NBAS: variants seen among roughly 807,000 people sequenced by gnomAD.
NBAS encodes the protein NAG/BC035112 fusion.
NBAS carries 219 observed loss-of-function variants against 302.5 expected under a neutral mutation model. The observed-to-expected ratio is 0.72, with a 90% confidence interval of 0.65 to 0.81. The LOEUF is 0.81. Among genes scored for constraint, NBAS ranks in the 30% least tolerant of loss-of-function variants. The pLI is 0.00. For synonymous variants in NBAS, 1,118 were observed against 1,021.6 expected, an observed-to-expected ratio of 1.09 and a Z score of -1.80; for missense variants, 2,932 against 2,841.6, an observed-to-expected ratio of 1.03 and a Z score of -0.72.
In NBAS at chr2:15,223,072, C is replaced by T. The variant is rs1667018002; in HGVS notation, c.6237-4104G>A. Among the ~76,000 whole-genome samples, 4 of 152,090 alleles carry T rather than the reference C, an allele frequency of 2.6e-5. No homozygotes were observed. The South Asian group carries it at 8.3e-4, about 32-fold the overall frequency. ...GATGTGCTTCACTATTACTGGTGCTCAAGAAAACGACACAGAAATGAAAGG... is the reference window on the plus strand; with the variant it reads ...GATGTGCTTCACTATTACTGGTGCTTAAGAAAACGACACAGAAATGAAAGG... On this transcript the variant is annotated intron_variant, in intron 47 of 51. Coordinates refer to ENST00000281513, the MANE Select transcript of NBAS (RefSeq NM_015909.4).
the NBAS span, among the ~76,000 whole-genome samples, chr2:15,021,550 G>A: frequency 2.0e-5 from 3 of 152,182 alleles, no homozygotes; most frequent in Non-Finnish European, 4.4e-5. Context: ...ACAGGTGGAG[G>A]TGTGGGCACC....
At chr2:15,286,149 T>G (rs1173349551) in intron 42 of NBAS, among the ~76,000 whole-genome samples, 2 of 152,214 alleles carry the variant, frequency 1.3e-5, no homozygotes, top group Non-Finnish European at 2.9e-5. Context: ...ACTATCTATT[T>G]CACCTTTTAA....
chr2:15,328,314 TAAA>T lies in NBAS; in HGVS notation c.4348-5_4348-3del. On this transcript the variant is annotated splice_polypyrimidine_tract_variant and splice_region_variant and intron_variant, in intron 36 of 51. Transcript: ENST00000281513. ...ATATGCACCACCACATTTTTGCCCCTAAAAAGAAAAAAAGTACAGAACAATGGA... is the reference window on the plus strand; with the variant it reads ...ATATGCACCACCACATTTTTGCCCCTAAGAAAAAAAGTACAGAACAATGGA... 1 of 1,610,698 alleles carries T rather than the reference TAAA, an allele frequency of 6.2e-7. No individual in the cohort carries two copies. The highest frequency in any genetic ancestry group is 8.5e-7 in the Non-Finnish European group (1 of 1,178,150).
intron 21 of NBAS, among the ~76,000 whole-genome samples, chr2:15,438,096 C>T (rs77207869): frequency 0.013 from 1,941 of 152,264 alleles, 33 homozygotes; most frequent in East Asian, 0.06. Flanking sequence ...ATTTGTTGTT[C>T]GCAGTAATGA....
chr2:14,877,669 C>T, the NBAS span, among the ~76,000 whole-genome samples: 1 of 151,444 alleles, frequency 6.6e-6, no homozygotes, highest in African/African-American at 2.4e-5. Context: ...CAAATATCAT[C>T]ATCCCAAGTT....
At chr2:14,793,791 C>T in the NBAS span, among the ~76,000 whole-genome samples, 13 of 151,956 alleles carry the variant, frequency 8.6e-5, no homozygotes, top group East Asian at 7.7e-4. Flanking sequence ...AAACTAAAGT[C>T]GAAGAGTCTT....
intron 38 of NBAS, among the ~76,000 whole-genome samples, chr2:15,325,204 G>A (rs1013669827): frequency 6.6e-6 from 1 of 152,130 alleles, no homozygotes; most frequent in Admixed American, 6.5e-5. Flanking sequence ...GATACTGTGA[G>A]TTTTGTTCCA....
At position 15,419,768 on chromosome 2, in the gene NBAS, A is replaced by G. The variant is rs150003309; in HGVS notation, c.2578-2056T>C. On this transcript the variant is annotated intron_variant, in intron 23 of 51. Transcript: ENST00000281513. ...ACTCTGCCTCCCAGGCTGGAGTGCA[A>G]TGGTGCGATCTCGGCTCACGGCAAG... is the stretch of plus-strand genomic sequence containing the variant. 6.8e-3 allele frequency among the ~76,000 whole-genome samples: 1,026 copies of G among 151,970 alleles called. 12 individuals are homozygous for G. Among genetic ancestry groups the G allele is most frequent in the African/African-American group, 0.022 (926 of 41,456 alleles).
the NBAS span, among the ~76,000 whole-genome samples, chr2:15,051,189 G>A: frequency 6.6e-6 from 1 of 152,194 alleles, no homozygotes; most frequent in African/African-American, 2.4e-5. Context: ...ACATCTGCCT[G>A]TTCCTGAGAC....
At chr2:14,886,662 T>G in the NBAS span, 5 of 152,266 alleles carry the variant, frequency 3.3e-5, no homozygotes, top group Admixed American at 6.5e-5. Flanking sequence ...CTATCATACC[T>G]TGAGCCAGTG....
At chr2:14,880,236 A>G in the NBAS span, among the ~76,000 whole-genome samples, 6 of 152,204 alleles carry the variant, frequency 3.9e-5, no homozygotes, top group Admixed American at 3.9e-4. Flanking sequence ...TCATAGATAC[A>G]TTAATTATTG....
At chr2:15,110,905 C>T in the NBAS span, among the ~76,000 whole-genome samples, 3 of 151,942 alleles carry the variant, frequency 2.0e-5, no homozygotes, top group African/African-American at 7.3e-5. Context: ...AAATAAAGGG[C>T]TTGAAGAAAC....
At position 15,308,711 on chromosome 2, in the gene NBAS, T is replaced by C. The variant is rs574262173; in HGVS notation, c.4660-358A>G. On this transcript the variant is annotated intron_variant, in intron 39 of 51. Coordinates refer to ENST00000281513, the MANE Select transcript of NBAS (RefSeq NM_015909.4). Reference sequence around the variant, plus strand: ...CCAACACTATGTTGAATAGGAGTGGTGAGAGAGGGCATCCCTGTCTTGCAC... The same window carrying C: ...CCAACACTATGTTGAATAGGAGTGGCGAGAGAGGGCATCCCTGTCTTGCAC... Among the ~76,000 whole-genome samples, 27 of 152,278 alleles carry C rather than the reference T, an allele frequency of 1.8e-4. No homozygotes were observed. In the South Asian group the frequency reaches 4.4e-3, roughly 25 times the overall value.
chr2:15,398,960 A>G (rs12692262), intron 26 of NBAS, among the ~76,000 whole-genome samples: 90,373 of 151,986 alleles, frequency 0.59, 27,993 homozygotes, highest in Non-Finnish European at 0.68. Context: ...CTATGTATAC[A>G]TGAGAGGCAT....
chr2:14,800,188 T>C, the NBAS span, among the ~76,000 whole-genome samples: 5 of 152,212 alleles, frequency 3.3e-5, no homozygotes, highest in Non-Finnish European at 7.3e-5. Flanking sequence ...GCCGATAAGG[T>C]TTGGCTGTGT....
the NBAS span, among the ~76,000 whole-genome samples, chr2:15,004,151 A>T: frequency 6.6e-6 from 1 of 152,224 alleles, no homozygotes; most frequent in Non-Finnish European, 1.5e-5. Context: ...TAATAAACTT[A>T]GTCTCCTTCA....
chr2:15,004,613 A>C, the NBAS span, among the ~76,000 whole-genome samples: 1 of 142,588 alleles, frequency 7.0e-6, no homozygotes, highest in Non-Finnish European at 1.5e-5. Flanking sequence ...TCATCCTCCC[A>C]CTTCAGCCTC....
the NBAS span, among the ~76,000 whole-genome samples, chr2:15,001,309 TACAC>T: frequency 5.9e-5 from 9 of 152,078 alleles, no homozygotes; most frequent in African/African-American, 2.2e-4. Context: ...ATATATGTTA[TACAC>T]ACACACAGCT....
At chr2:14,863,486 T>C in the NBAS span, among the ~76,000 whole-genome samples, 54 of 152,238 alleles carry the variant, frequency 3.5e-4, no homozygotes, top group African/African-American at 1.3e-3. Context: ...ATAAGATCAA[T>C]TGATCAGTTA....
Sources: allele counts gnomAD v4.1 joint callset (sites outside exome capture counted in the v4.1 genomes callset), GRCh38; gene constraint gnomAD v4.1.1; transcripts MANE v1.5; gene names NCBI Gene and HGNC (gene_info 2026-07-23, HGNC 2026-07-21).